CHD9: variants seen among roughly 807,000 people sequenced by gnomAD.
The protein encoded by CHD9 is ATP-dependent chromatin remodeler CHD9.
Under a neutral mutation model 316.1 loss-of-function variants are expected in CHD9, and 77 were observed. The observed-to-expected ratio is 0.24, with a 90% CI of 0.20 to 0.29. CHD9 has a LOEUF of 0.29. Ranked by LOEUF, CHD9 falls within the 10% of genes least tolerant of loss-of-function variation. The probability of loss-of-function intolerance (pLI) is 1.00; values close to 1 mark genes in which losing one functional copy is unlikely to be tolerated. For missense variants in CHD9, 2,763 were observed against 3,438.1 expected (o/e 0.80, Z 4.91); for synonymous variants, 1,129 against 1,158.3 (o/e 0.97, Z 0.51).
intron 1 of CHD9, among the ~76,000 whole-genome samples, chr16:53,154,319 T>G (rs953968093): frequency 3.3e-5 from 5 of 152,230 alleles, no homozygotes; most frequent in African/African-American, 1.2e-4. Context: ...CTATTATTAC[T>G]GATTATAAAA....
chr16:53,128,488 G>A (rs773957750), intron 1 of CHD9, among the ~76,000 whole-genome samples: 1 of 152,098 alleles, frequency 6.6e-6, no homozygotes, highest in Non-Finnish European at 1.5e-5. Context: ...GGCCCGGAAT[G>A]GAGACATTCT....
chr16:53,094,474 C>A (rs1267151781), intron 1 of CHD9, among the ~76,000 whole-genome samples: 3 of 151,992 alleles, frequency 2.0e-5, no homozygotes, highest in Non-Finnish European at 4.4e-5. Flanking sequence ...ACCCGGTGAC[C>A]CCAGGTGACA....
chr16:53,078,820 T>A (rs956319775), intron 1 of CHD9, among the ~76,000 whole-genome samples: 3 of 152,118 alleles, frequency 2.0e-5, no homozygotes, highest in African/African-American at 7.2e-5. Flanking sequence ...CTTTCTCCCC[T>A]TAAATTAATG....
intron 2 of CHD9, among the ~76,000 whole-genome samples, chr16:53,169,901 G>A (rs2042556752): frequency 6.6e-6 from 1 of 152,090 alleles, no homozygotes; most frequent in Admixed American, 6.5e-5. Context: ...TAGTTGTTAT[G>A]TCTCTTTAAC....
At chr16:53,125,196 C>T (rs1019175036) in intron 1 of CHD9, among the ~76,000 whole-genome samples, 1 of 150,512 alleles carries the variant, frequency 6.6e-6, no homozygotes, top group African/African-American at 2.4e-5. Flanking sequence ...ACTGTCCTTA[C>T]CTTATCATGG....
At chr16:53,096,161 G>T (rs1031617442) in intron 1 of CHD9, among the ~76,000 whole-genome samples, 2 of 151,170 alleles carry the variant, frequency 1.3e-5, no homozygotes, top group Non-Finnish European at 2.9e-5. Context: ...GGGCTCAAGC[G>T]ATCCTCCCAC....
chr16:53,115,476 T>G (rs2038220299), intron 1 of CHD9, among the ~76,000 whole-genome samples: 1 of 152,246 alleles, frequency 6.6e-6, no homozygotes, highest in Non-Finnish European at 1.5e-5. Context: ...TTCTATTAGG[T>G]TCTATTATTT....
intron 1 of CHD9, among the ~76,000 whole-genome samples, chr16:53,118,633 A>G (rs925194080): frequency 6.6e-6 from 1 of 152,140 alleles, no homozygotes; most frequent in Non-Finnish European, 1.5e-5. Context: ...CTCTAAAACC[A>G]TGGGGTTTAG....
At chr16:53,078,326 T>C (rs1296175055) in intron 1 of CHD9, among the ~76,000 whole-genome samples, 1 of 152,134 alleles carries the variant, frequency 6.6e-6, no homozygotes, top group African/African-American at 2.4e-5. Context: ...CATGATGTTT[T>C]CACAGGAAGG....
chr16:53,212,836 G>C (rs969567236), intron 3 of CHD9, among the ~76,000 whole-genome samples: 1 of 152,108 alleles, frequency 6.6e-6, no homozygotes, highest in African/African-American at 2.4e-5. Context: ...CTGTAAAATG[G>C]GGATAGGATA....
chr16:53,121,393 C>A, intron 1 of CHD9: 1 of 456,020 alleles, frequency 2.2e-6, no homozygotes. Context: ...ATCAAGGAAA[C>A]CAGCAAACCG....
chr16:53,086,676 A>G (rs988644495), intron 1 of CHD9, among the ~76,000 whole-genome samples: 21 of 152,258 alleles, frequency 1.4e-4, no homozygotes, highest in African/African-American at 5.1e-4. Context: ...AAGAAAGCAC[A>G]AAATGTTTTT....
At chr16:53,130,366 G>A (rs73590888) in intron 1 of CHD9, among the ~76,000 whole-genome samples, 4,904 of 152,198 alleles carry the variant, frequency 0.032, 99 homozygotes, top group Middle Eastern at 0.071. Flanking sequence ...TTCCTCGGCG[G>A]ACCCGAGCTG....
At chr16:53,204,775 CTTTTTT>C in intron 2 of CHD9, among the ~76,000 whole-genome samples, 1 of 151,854 alleles carries the variant, frequency 6.6e-6, no homozygotes, top group Non-Finnish European at 1.5e-5. Flanking sequence ...TATAGGTTTT[CTTTTTT>C]AATGAATATT....
intron 1 of CHD9, among the ~76,000 whole-genome samples, chr16:53,130,022 C>T (rs2039149328): frequency 6.6e-6 from 1 of 152,166 alleles, no homozygotes; most frequent in African/African-American, 2.4e-5. Context: ...TCCCCCACGG[C>T]TGTCTCTCTC....
intron 1 of CHD9, among the ~76,000 whole-genome samples, chr16:53,108,108 C>G (rs2037515292): frequency 6.6e-6 from 1 of 152,066 alleles, no homozygotes; most frequent in African/African-American, 2.4e-5. Flanking sequence ...AGGGTAAGAC[C>G]TTTTTATCTC....
At chr16:53,137,555 G>A (rs1035428096) in intron 1 of CHD9, among the ~76,000 whole-genome samples, 9 of 152,052 alleles carry the variant, frequency 5.9e-5, no homozygotes, top group African/African-American at 1.4e-4. Context: ...GTGTGAGAGC[G>A]CCAGTTACTT....
intron 1 of CHD9, among the ~76,000 whole-genome samples, chr16:53,098,115 C>G (rs1330243979): frequency 6.6e-6 from 1 of 150,784 alleles, no homozygotes; most frequent in Non-Finnish European, 1.5e-5. Context: ...AGCGAGACTT[C>G]GTCTCAAAAA....
intron 1 of CHD9, among the ~76,000 whole-genome samples, chr16:53,137,376 T>C (rs2039796977): frequency 6.6e-6 from 1 of 152,192 alleles, no homozygotes; most frequent in South Asian, 2.1e-4. Flanking sequence ...ATAATACTGA[T>C]ATGAACATTC....
Sources: gnomAD v4.1 joint callset for allele counts (sites outside exome capture counted in the v4.1 genomes callset) on GRCh38, gnomAD v4.1.1 for gene constraint, MANE v1.5 for transcripts, NCBI Gene and HGNC (gene_info 2026-07-23, HGNC 2026-07-21) for gene names.